FER1L6: variants seen among roughly 807,000 people sequenced by gnomAD.
FER1L6 encodes the protein fer-1 like family member 6.
FER1L6 carries 177 observed loss-of-function variants against 219.2 expected under a neutral mutation model. The observed-to-expected ratio is 0.81, with a 90% CI of 0.71 to 0.91. The LOEUF (loss-of-function observed/expected upper bound fraction) is 0.91, where lower values mean the gene tolerates loss of function less well. FER1L6 is among the 40% of genes least tolerant of loss of function. The pLI, the probability that FER1L6 is intolerant of heterozygous loss-of-function variation, is 0.00. For synonymous variants in FER1L6, 768 were observed against 824.3 expected (o/e 0.93, Z 1.17); for missense variants, 2,153 against 2,259.9 (o/e 0.95, Z 0.96).
chr8:123,939,254 T>C, intron 1 of FER1L6: 1 of 929,548 alleles, frequency 1.1e-6, no homozygotes, highest in Non-Finnish European at 1.3e-6. Flanking sequence ...TGTGGTACTT[T>C]TGTATTTTTG....
In FER1L6 at chr8:124,103,425, A is replaced by T; in HGVS notation, c.5289+116A>T. The T allele has an allele frequency of 8.0e-6, 8 of 1,004,944 alleles. No individual in the cohort carries two copies. In the South Asian group the frequency reaches 1.3e-4, roughly 17 times the overall value. The allele number at this position is 1,004,944 out of a possible 1,614,324, so 62.3% of individuals were successfully genotyped here. A position where few individuals can be genotyped will look rare whatever the true frequency, so the allele number is the denominator to read the frequency against. On this transcript the variant is annotated intron_variant, in intron 39 of 40. Coordinates refer to ENST00000522917, the MANE Select transcript of FER1L6 (RefSeq NM_001039112.2). ...TGCCTTGAAATGACATGAACCCTTC[A>T]TGCAGAGGTTCTGCTAAGAAGCAAG...
At chr8:123,984,176 T>C (rs2130359463) in intron 11 of FER1L6, 1 of 152,348 alleles carries the variant, frequency 6.6e-6, no homozygotes, top group African/African-American at 2.4e-5. Context: ...GTGCTCGACA[T>C]GAATGATATC....
At chr8:124,109,942 A>C (rs1453972877) in intron 39 of FER1L6, among the ~76,000 whole-genome samples, 1 of 152,206 alleles carries the variant, frequency 6.6e-6, no homozygotes, top group East Asian at 1.9e-4. Context: ...GTCAGACCAC[A>C]CGTGACAATA....
chr8:124,045,121 A>C (rs1404293466), intron 20 of FER1L6, among the ~76,000 whole-genome samples: 1 of 152,248 alleles, frequency 6.6e-6, no homozygotes, highest in Admixed American at 6.5e-5. Context: ...CAAATACCCA[A>C]CTTCAGGATA....
intron 3 of FER1L6, among the ~76,000 whole-genome samples, chr8:123,964,145 G>A (rs1815427334): frequency 6.6e-6 from 1 of 152,176 alleles, no homozygotes; most frequent in South Asian, 2.1e-4. Context: ...GTTCTCTTGA[G>A]GTGTAGGCTT....
At chr8:124,118,577 A>G (rs1010401275) in intron 39 of FER1L6, among the ~76,000 whole-genome samples, 2 of 152,216 alleles carry the variant, frequency 1.3e-5, no homozygotes, top group Non-Finnish European at 2.9e-5. Context: ...AGAGTAGTAC[A>G]TGTGACGGAG....
rs375242934 is a variant in FER1L6 at position 124,004,800 on chromosome 8, C to G, written c.1700+1453C>G. ...GATCGCGAGGTCAGGAGTTCAAGAC[C>G]AGCCTGTCCAACATAATGAAACTCT... On this transcript the variant is annotated intron_variant, in intron 13 of 40. Coordinates refer to ENST00000522917, the MANE Select transcript of FER1L6 (RefSeq NM_001039112.2). 2.8e-4 allele frequency among the ~76,000 whole-genome samples: 43 copies of G among 152,112 alleles called. 1 individual carries two copies. The South Asian group carries it at 8.5e-3, about 30-fold the overall frequency.
chr8:124,100,877 C>T (rs1822520259), intron 37 of FER1L6, among the ~76,000 whole-genome samples: 1 of 152,048 alleles, frequency 6.6e-6, no homozygotes, highest in Non-Finnish European at 1.5e-5. Context: ...AGACCCTTCC[C>T]CAACCCTGCC....
At chr8:123,976,509 TAA>T (rs879656064) in intron 9 of FER1L6, among the ~76,000 whole-genome samples, 17 of 140,448 alleles carry the variant, frequency 1.2e-4, no homozygotes, top group Non-Finnish European at 1.2e-4. Flanking sequence ...ACTCTGTCTT[TAA>T]AAAAAAAAAA....
chr8:124,001,857 T>C (rs1817423952), intron 12 of FER1L6, among the ~76,000 whole-genome samples: 1 of 152,140 alleles, frequency 6.6e-6, no homozygotes, highest in African/African-American at 2.4e-5. Context: ...GAAAACAAGA[T>C]GGTAGAGGAA....
chr8:124,060,682 C>G lies in FER1L6; in HGVS notation c.3120C>G (p.Phe1040Leu). 1 of 1,614,102 alleles carries G rather than the reference C, an allele frequency of 6.2e-7. No homozygotes were observed. The highest frequency in any genetic ancestry group is 1.3e-5 in the African/African-American group (1 of 75,038). The change falls in exon 24 of 41, where the codon TTC becomes TTG. Residue 1040 changes from phenylalanine to leucine, a missense_variant. By Grantham distance (22) the Phe-to-Leu change is conservative. Transcript: ENST00000522917. ...AGAGCTACAAGAACAACCCGAACTT[C>G]AGCATCCAGGCAGACGCTTTCGAAG... ...VIQSYKNNPN[F>L]SIQADAFEVE...
intron 22 of FER1L6, among the ~76,000 whole-genome samples, chr8:124,055,493 T>G (rs1820246695): frequency 2.0e-5 from 3 of 152,200 alleles, no homozygotes; most frequent in Admixed American, 6.5e-5. Flanking sequence ...TGTCCCCTTC[T>G]GCAATCAGAA....
chr8:123,966,429 T>G, intron 5 of FER1L6, 139 bp downstream of exon 5: 1 of 1,084,388 alleles, frequency 9.2e-7, no homozygotes, highest in South Asian at 1.6e-5. Context: ...GCAAACTGAT[T>G]CTTCTTACAA....
intron 40 of FER1L6, 82 bp from the exon 41 acceptor site, chr8:124,119,525 T>A (rs1823392008): frequency 2.2e-6 from 2 of 897,254 alleles, no homozygotes; most frequent in Admixed American, 2.0e-5. Context: ...AAAGTGGGAG[T>A]CGGAAACACT....
chr8:123,886,378 G>A (rs1817203149), intron 1 of FER1L6, among the ~76,000 whole-genome samples: 2 of 152,182 alleles, frequency 1.3e-5, no homozygotes, highest in Admixed American at 1.3e-4. Flanking sequence ...TCTCACAAGA[G>A]TGGATTATTC....
intron 1 of FER1L6, chr8:123,939,045 T>C (rs1814122226): frequency 3.9e-6 from 2 of 507,810 alleles, no homozygotes; most frequent in African/African-American, 4.2e-5. Context: ...CATCTGAGCA[T>C]AGCAAGGGAA....
chr8:124,064,203 T>G, intron 25 of FER1L6, 144 bp from the exon 26 acceptor site: 5 of 747,854 alleles, frequency 6.7e-6, no homozygotes, highest in East Asian at 2.5e-5. Flanking sequence ...TTACTGTCAT[T>G]TTATACATAA....
chr8:123,971,761 C>T (rs539763607), intron 6 of FER1L6, among the ~76,000 whole-genome samples: 1 of 152,284 alleles, frequency 6.6e-6, no homozygotes, highest in South Asian at 2.1e-4. Context: ...CTGCTGTAAG[C>T]AGATGCTATT....
intron 17 of FER1L6, 151 bp from the exon 18 acceptor site, chr8:124,023,293 G>A (rs4521739): frequency 0.55 from 399,840 of 721,596 alleles, 112,741 homozygotes; most frequent in African/African-American, 0.64. Flanking sequence ...TGATGGCATA[G>A]ATGTTTCAGT....
Sources: allele counts gnomAD v4.1 joint callset (sites outside exome capture counted in the v4.1 genomes callset), GRCh38; gene constraint gnomAD v4.1.1; transcripts MANE v1.5; gene names NCBI Gene and HGNC (gene_info 2026-07-23, HGNC 2026-07-21).